Variants in FGGY observed in about 807,000 individuals in gnomAD.
FGGY encodes the protein FGGY carbohydrate kinase domain-containing protein.
A neutral mutation model predicts 71.3 loss-of-function variants in FGGY; 72 were observed. The ratio of observed to expected loss-of-function variants is 1.01; its 90% CI spans 0.84 to 1.23. The LOEUF (loss-of-function observed/expected upper bound fraction) is 1.23. Among genes scored for constraint, FGGY ranks in the 50% most tolerant of loss-of-function variants. FGGY has a pLI of 0.00. For synonymous variants in FGGY, 251 were observed against 250.3 expected, an observed-to-expected ratio of 1.00 and a Z score of -0.02; for missense variants, 668 against 682.3, an observed-to-expected ratio of 0.98 and a Z score of 0.23.
At chr1:59,520,401 A>G (rs1176674038) in intron 7 of FGGY, among the ~76,000 whole-genome samples, 2 of 152,170 alleles carry the variant, frequency 1.3e-5, no homozygotes, top group Admixed American at 6.5e-5. Context: ...TCAGCACATC[A>G]TGCACATTCC....
At position 59,542,445 on chromosome 1, in the gene FGGY, C is replaced by CTTTTTTTTTTT. The variant is rs754831417; in HGVS notation, c.800-11658_800-11648dup. On this transcript the variant is annotated intron_variant, in intron 7 of 15. Transcript: ENST00000303721. Reference sequence around the variant, plus strand: ...GCCAAGACTATATGTATGTTCTTTACTTTTTTTTTTTTTTTTTTTTTTTTT... The same window carrying CTTTTTTTTTTT: ...GCCAAGACTATATGTATGTTCTTTACTTTTTTTTTTTTTTTTTTTTTTTTTTTTTTTTTTTT... Among the ~76,000 whole-genome samples the CTTTTTTTTTTT allele has an allele frequency of 1.8e-4, 6 of 34,258 alleles. 1 individual carries two copies. The highest frequency in any genetic ancestry group is 2.8e-4 in the Non-Finnish European group (5 of 17,784). The allele number at this position is 34,258 out of a possible 152,430, so 22.5% of individuals were successfully genotyped here. A position where few individuals can be genotyped will look rare whatever the true frequency, so the allele number is the denominator to read the frequency against.
chr1:59,651,323 CGTT>C (rs1174709310), intron 11 of FGGY, among the ~76,000 whole-genome samples: 16 of 151,222 alleles, frequency 1.1e-4, no homozygotes, highest in African/African-American at 3.2e-4. Flanking sequence ...CTTTCTGTCT[CGTT>C]GATCTGTCTA....
At chr1:59,481,893 T>C (rs1301090684) in intron 6 of FGGY, among the ~76,000 whole-genome samples, 20 of 152,182 alleles carry the variant, frequency 1.3e-4, no homozygotes. Flanking sequence ...GTGTATGTAT[T>C]TGGATCTATT....
intron 6 of FGGY, among the ~76,000 whole-genome samples, chr1:59,474,518 T>A (rs1214739429): frequency 6.6e-6 from 1 of 152,182 alleles, no homozygotes; most frequent in Non-Finnish European, 1.5e-5. Flanking sequence ...CTGCCACTTC[T>A]CCTGTTTGAG....
intron 14 of FGGY, among the ~76,000 whole-genome samples, chr1:59,754,385 T>G (rs1210727287): frequency 6.6e-6 from 1 of 152,170 alleles, no homozygotes; most frequent in African/African-American, 2.4e-5. Context: ...CTTTCCTTTT[T>G]TTTTTGTTGT....
intron 14 of FGGY, among the ~76,000 whole-genome samples, chr1:59,736,522 G>A (rs924663908): frequency 2.6e-5 from 4 of 152,126 alleles, no homozygotes; most frequent in Admixed American, 2.6e-4. Flanking sequence ...TGAGGAACTT[G>A]TTGGGAACTG....
At chr1:59,338,873 G>T (rs1051075816) in intron 2 of FGGY, among the ~76,000 whole-genome samples, 7 of 151,946 alleles carry the variant, frequency 4.6e-5, no homozygotes, top group African/African-American at 1.7e-4. Flanking sequence ...AAAGTTTGTT[G>T]TCATTAATTA....
At chr1:59,334,216 C>T (rs1447361316) in intron 2 of FGGY, among the ~76,000 whole-genome samples, 1 of 152,116 alleles carries the variant, frequency 6.6e-6, no homozygotes, top group Admixed American at 6.6e-5. Flanking sequence ...GGTCTTGGGT[C>T]ACTGCAACCT....
At chr1:59,349,479 A>G (rs2052806357) in intron 4 of FGGY, among the ~76,000 whole-genome samples, 2 of 152,192 alleles carry the variant, frequency 1.3e-5, no homozygotes, top group South Asian at 4.1e-4. Context: ...ATCTAAATGC[A>G]TATCTGGCAC....
intron 5 of FGGY, among the ~76,000 whole-genome samples, chr1:59,423,988 G>A (rs2065893371): frequency 6.6e-6 from 1 of 152,242 alleles, no homozygotes; most frequent in Non-Finnish European, 1.5e-5. Flanking sequence ...GAGGCAAGGT[G>A]TTGTTTTCAA....
chr1:59,435,263 A>C (rs752105025), intron 5 of FGGY, among the ~76,000 whole-genome samples: 10 of 152,240 alleles, frequency 6.6e-5, no homozygotes, highest in Non-Finnish European at 1.3e-4. Flanking sequence ...CTTTGAAGCC[A>C]GTATCTGGGG....
intron 6 of FGGY, among the ~76,000 whole-genome samples, chr1:59,497,073 G>C (rs571335429): frequency 6.3e-4 from 96 of 152,300 alleles, no homozygotes; most frequent in Non-Finnish European, 6.5e-4. Flanking sequence ...TCCTGGAGTA[G>C]GTGACCCCTG....
intron 8 of FGGY, among the ~76,000 whole-genome samples, chr1:59,558,794 C>T (rs550325446): frequency 6.7e-6 from 1 of 149,464 alleles, no homozygotes; most frequent in Admixed American, 6.7e-5. Flanking sequence ...CTTATCTCAA[C>T]CTCATAAGAC....
At chr1:59,572,834 C>G (rs1057135025) in intron 8 of FGGY, among the ~76,000 whole-genome samples, 2 of 152,134 alleles carry the variant, frequency 1.3e-5, no homozygotes, top group African/African-American at 4.8e-5. Flanking sequence ...GGAGAGAGAG[C>G]AGTAGTCGTT....
At chr1:59,483,467 G>C (rs575262920) in intron 6 of FGGY, among the ~76,000 whole-genome samples, 2 of 152,236 alleles carry the variant, frequency 1.3e-5, no homozygotes, top group South Asian at 4.2e-4. Flanking sequence ...AGACCTATGA[G>C]AATAAAATAC....
chr1:59,357,429 T>G (rs1199803815), intron 4 of FGGY, among the ~76,000 whole-genome samples: 5 of 152,180 alleles, frequency 3.3e-5, no homozygotes, highest in Non-Finnish European at 7.3e-5. Context: ...CCTTGTGGGA[T>G]AAATATTACT....
intron 11 of FGGY, among the ~76,000 whole-genome samples, chr1:59,658,662 G>A (rs1041442978): frequency 2.0e-5 from 3 of 152,196 alleles, no homozygotes; most frequent in East Asian, 1.9e-4. Flanking sequence ...GGGCAATGGG[G>A]AGAACGTTTT....
At chr1:59,408,938 T>C (rs2063179710) in intron 5 of FGGY, among the ~76,000 whole-genome samples, 1 of 152,186 alleles carries the variant, frequency 6.6e-6, no homozygotes, top group African/African-American at 2.4e-5. Context: ...AAGTGTTTGC[T>C]TTTATTTGTA....
intron 12 of FGGY, among the ~76,000 whole-genome samples, chr1:59,665,636 G>T (rs750134690): frequency 2.6e-5 from 4 of 151,438 alleles, no homozygotes; most frequent in African/African-American, 9.7e-5. Context: ...CCCCTAAGAC[G>T]TGAGGTCAGG....
Sources: gnomAD v4.1 joint callset for allele counts (sites outside exome capture counted in the v4.1 genomes callset) on GRCh38, gnomAD v4.1.1 for gene constraint, MANE v1.5 for transcripts, NCBI Gene and HGNC (gene_info 2026-07-23, HGNC 2026-07-21) for gene names.